The following RBFOX1 variants were observed in gnomAD, a reference collection of about 807,000 sequenced individuals.
RBFOX1 encodes RNA binding protein fox-1 homolog 1.
Under a neutral mutation model 57.7 loss-of-function variants are expected in RBFOX1, and 8 were observed. The observed-to-expected ratio is 0.14, with a 90% CI of 0.08 to 0.25. RBFOX1 has a LOEUF of 0.25. Among genes scored for constraint, RBFOX1 ranks in the 10% least tolerant of loss-of-function variants. RBFOX1 has a pLI of 1.00. For synonymous variants in RBFOX1, 326 were observed against 222.4 expected (o/e 1.47, Z -4.15); for missense variants, 611 against 548.5 (o/e 1.11, Z -1.14).
intron 3 of RBFOX1, among the ~76,000 whole-genome samples, chr16:5,698,445 G>C (rs2050916786): frequency 6.6e-6 from 1 of 152,006 alleles, no homozygotes; most frequent in African/African-American, 2.4e-5. Context: ...TTTTTCTTGA[G>C]TCCATTTTGG....
intron 3 of RBFOX1, among the ~76,000 whole-genome samples, chr16:6,877,154 C>T (rs955622209): frequency 1.6e-4 from 25 of 152,134 alleles, no homozygotes; most frequent in East Asian, 3.9e-4. Context: ...AAAAAGCAGA[C>T]GAATGAAAAA....
At chr16:6,347,076 C>A (rs1238910510) in intron 2 of RBFOX1, among the ~76,000 whole-genome samples, 2 of 152,116 alleles carry the variant, frequency 1.3e-5, no homozygotes, top group African/African-American at 2.4e-5. Flanking sequence ...CTGAGGAGTT[C>A]AAAGAATCTT....
intron 3 of RBFOX1, among the ~76,000 whole-genome samples, chr16:5,842,680 G>A (rs144066507): frequency 3.2e-4 from 49 of 152,200 alleles, no homozygotes; most frequent in African/African-American, 1.1e-3. Flanking sequence ...ATTTCTCATC[G>A]GAGGAAATGT....
At chr16:6,462,274 G>A (rs992729672) in intron 2 of RBFOX1, among the ~76,000 whole-genome samples, 9 of 152,158 alleles carry the variant, frequency 5.9e-5, no homozygotes, top group African/African-American at 1.2e-4. Context: ...ACAGCCTGAT[G>A]CATGCTCTTC....
At chr16:5,507,777 A>G (rs1371842693) in intron 2 of RBFOX1, among the ~76,000 whole-genome samples, 2 of 152,162 alleles carry the variant, frequency 1.3e-5, no homozygotes, top group South Asian at 2.1e-4. Context: ...GAGGTGGGAG[A>G]GGTGCAGCCA....
intron 1 of RBFOX1, among the ~76,000 whole-genome samples, chr16:5,286,403 G>C (rs2063395927): frequency 6.6e-6 from 1 of 152,144 alleles, no homozygotes; most frequent in Admixed American, 6.5e-5. Flanking sequence ...GTTTCCTCAG[G>C]CCTCTCAGTA....
chr16:5,900,167 A>C (rs2058271545), intron 4 of RBFOX1, among the ~76,000 whole-genome samples: 1 of 152,200 alleles, frequency 6.6e-6, no homozygotes, highest in Non-Finnish European at 1.5e-5. Flanking sequence ...ATTGACTAAT[A>C]TCTAAGCTTT....
At chr16:6,848,214 A>G (rs904693516) in intron 3 of RBFOX1, among the ~76,000 whole-genome samples, 18 of 152,030 alleles carry the variant, frequency 1.2e-4, no homozygotes, top group Admixed American at 4.6e-4. Flanking sequence ...TGGCGACACC[A>G]TGGTGAGCTC....
Position 5,653,732 on chromosome 16 carries a change from C to A in RBFOX1, c.318+54771C>A, listed in dbSNP as rs185776069. On this transcript the variant is annotated intron_variant, in intron 3 of 19. Coordinates refer to the RBFOX1 transcript ENST00000641259. ...GTTCATTTTCCAAAAGTGCTTAGAG[C>A]CGCTCATTTCCACAGGCCAGGGGTG... 1.2e-4 allele frequency among the ~76,000 whole-genome samples: 18 copies of A among 152,224 alleles called. No individual in the cohort carries two copies. In the East Asian group the frequency reaches 3.3e-3, roughly 28 times the overall value.
chr16:5,983,984 C>CTCCCACATTCTTCTTCT (rs1190817217), intron 4 of RBFOX1, among the ~76,000 whole-genome samples: 46 of 139,346 alleles, frequency 3.3e-4, no homozygotes, highest in Non-Finnish European at 6.2e-4. Flanking sequence ...CTTCTTCTTC[C>CTCCCACATTCTTCTTCT]TCCCACATTC....
At chr16:5,957,054 T>C (rs889370685) in intron 4 of RBFOX1, among the ~76,000 whole-genome samples, 3 of 152,108 alleles carry the variant, frequency 2.0e-5, no homozygotes, top group African/African-American at 7.2e-5. Flanking sequence ...ACCACAGTAA[T>C]TGGTGAATTA....
At chr16:6,757,753 A>C (rs183960760) in intron 3 of RBFOX1, among the ~76,000 whole-genome samples, 157 of 152,278 alleles carry the variant, frequency 1.0e-3, no homozygotes, top group Non-Finnish European at 2.0e-3. Flanking sequence ...TGATGGTTAA[A>C]AACAATTTAT....
rs564279920 is a variant in RBFOX1 at position 5,830,944 on chromosome 16, G to C, written c.319-36359G>C. Among the ~76,000 whole-genome samples, 7 of 148,038 alleles carry C rather than the reference G, an allele frequency of 4.7e-5. No individual in the cohort carries two copies. In the Admixed American group the frequency reaches 4.8e-4, roughly 10 times the overall value. ...CTCCTTGGCCAAATTAACTCAGACTGTCTCACCTGCCACCATTTCCTATCC... is the reference window on the plus strand; with the variant it reads ...CTCCTTGGCCAAATTAACTCAGACTCTCTCACCTGCCACCATTTCCTATCC... On this transcript the variant is annotated intron_variant, in intron 3 of 19. Coordinates refer to the RBFOX1 transcript ENST00000641259.
At chr16:5,746,013 C>T (rs1036815118) in intron 3 of RBFOX1, among the ~76,000 whole-genome samples, 5 of 152,162 alleles carry the variant, frequency 3.3e-5, no homozygotes, top group African/African-American at 1.2e-4. Context: ...AGTCCTTGCC[C>T]ATGCCTGTGT....
intron 2 of RBFOX1, among the ~76,000 whole-genome samples, chr16:6,485,157 C>T (rs941051507): frequency 7.9e-5 from 12 of 152,032 alleles, no homozygotes; most frequent in Non-Finnish European, 4.4e-5. Context: ...CAGCTGCTTG[C>T]CACTCAGGCT....
At chr16:6,703,181 A>G (rs186530435) in intron 3 of RBFOX1, among the ~76,000 whole-genome samples, 94 of 152,292 alleles carry the variant, frequency 6.2e-4, no homozygotes, top group African/African-American at 2.2e-3. Flanking sequence ...CTGTTGATAG[A>G]CATTTGGGTT....
chr16:7,060,073 T>C (rs1284585912), intron 4 of RBFOX1, among the ~76,000 whole-genome samples: 1 of 152,204 alleles, frequency 6.6e-6, no homozygotes, highest in African/African-American at 2.4e-5. Context: ...CTCATTCCAC[T>C]TTAATCAAAC....
At chr16:6,942,962 A>T (rs1186593527) in intron 3 of RBFOX1, among the ~76,000 whole-genome samples, 1 of 152,150 alleles carries the variant, frequency 6.6e-6, no homozygotes, top group East Asian at 1.9e-4. Context: ...TGCTTTTGTG[A>T]CTTGTTTCGT....
intron 4 of RBFOX1, among the ~76,000 whole-genome samples, chr16:7,313,091 C>T (rs2096355863): frequency 1.3e-5 from 2 of 152,106 alleles, no homozygotes; most frequent in Non-Finnish European, 2.9e-5. Flanking sequence ...GTGTGGGACT[C>T]GTACTTCCAC....
Sources: gnomAD v4.1 joint callset for allele counts (sites outside exome capture counted in the v4.1 genomes callset) on GRCh38, gnomAD v4.1.1 for gene constraint, MANE v1.5 for transcripts, NCBI Gene and HGNC (gene_info 2026-07-23, HGNC 2026-07-21) for gene names.